Variants in HFM1 observed in about 807,000 individuals in gnomAD.
The protein encoded by HFM1 is helicase for meiosis 1, also known as probable ATP-dependent DNA helicase HFM1.
A neutral mutation model predicts 192.1 loss-of-function variants in HFM1; 169 were observed. The ratio of observed to expected loss-of-function variants is 0.88; its 90% CI spans 0.78 to 1.00. The LOEUF (loss-of-function observed/expected upper bound fraction) is 1.00, where lower values mean the gene tolerates loss of function less well. Ranked by LOEUF, HFM1 falls within the 50% of genes least tolerant of loss-of-function variation. The pLI, the probability that HFM1 is intolerant of heterozygous loss-of-function variation, is 0.00. For missense variants in HFM1, 1,661 were observed against 1,668.0 expected (o/e 1.00, Z 0.07); for synonymous variants, 525 against 537.8 (o/e 0.98, Z 0.33).
intron 1 of HFM1, chr1:91,404,581 C>G (rs999928277): frequency 1.0e-4 from 27 of 260,100 alleles, no homozygotes; most frequent in Non-Finnish European, 1.5e-4. Context: ...CAGGCCTCAC[C>G]GCTTTCTGAC....
chr1:91,374,555 T>G (rs141939017), intron 13 of HFM1, among the ~76,000 whole-genome samples: 1 of 152,236 alleles, frequency 6.6e-6, no homozygotes, highest in East Asian at 1.9e-4. Context: ...GACTTCGTAA[T>G]TGATTGTGGG....
intron 4 of HFM1, among the ~76,000 whole-genome samples, chr1:91,391,292 A>C (rs938735813): frequency 1.3e-5 from 2 of 152,262 alleles, no homozygotes; most frequent in Middle Eastern, 3.2e-3. Context: ...CCGCATTGCC[A>C]AGGCAATCCT....
At chr1:91,377,721 TACA>T (rs751595320) in intron 11 of HFM1, 37 of 341,580 alleles carry the variant, frequency 1.1e-4, no homozygotes, top group Non-Finnish European at 1.8e-4. Context: ...GTCAGCTAGT[TACA>T]ACAACCATCA....
chr1:91,330,951 A>G (rs1338356840), intron 20 of HFM1, among the ~76,000 whole-genome samples: 4 of 152,244 alleles, frequency 2.6e-5, no homozygotes, highest in Non-Finnish European at 5.9e-5. Flanking sequence ...TCCATTCATG[A>G]TAAATACCCT....
At chr1:91,394,885 G>A (rs1039351354) in intron 3 of HFM1, among the ~76,000 whole-genome samples, 3 of 152,032 alleles carry the variant, frequency 2.0e-5, no homozygotes, top group Non-Finnish European at 4.4e-5. Flanking sequence ...AGTGACAGAA[G>A]TTTAAAGGTT....
Position 91,267,806 on chromosome 1 carries a change from A to T in HFM1, c.3822T>A (p.Phe1274Leu), listed in dbSNP as rs748939655. Residue 1274 changes from phenylalanine (F) to leucine (L), a missense_variant, in exon 35 of 39, where the codon TTT (phenylalanine) becomes TTA (leucine). Transcript: ENST00000370425. ...FELGNEVWDD[F>L]DDENLEVTSF... Reference sequence around the variant, plus strand: ...TAGTAACTTCTAAGTTTTCATCATCAAAATCATCCCAAACTTCATTTCCCA... The same window carrying T: ...TAGTAACTTCTAAGTTTTCATCATCTAAATCATCCCAAACTTCATTTCCCA... The T allele has an allele frequency of 4.4e-6, 7 of 1,581,678 alleles. No homozygotes were observed. In the African/African-American group the frequency reaches 8.3e-5, roughly 19 times the overall value.
intron 4 of HFM1, among the ~76,000 whole-genome samples, chr1:91,392,895 A>C (rs1663187646): frequency 6.6e-6 from 1 of 152,158 alleles, no homozygotes; most frequent in African/African-American, 2.4e-5. Flanking sequence ...CAGAAAGTAG[A>C]TTAGTGGCCA....
chr1:91,351,236 T>A (rs997705459), intron 17 of HFM1, among the ~76,000 whole-genome samples: 2 of 151,866 alleles, frequency 1.3e-5, no homozygotes, highest in Admixed American at 1.3e-4. Context: ...TACAAATTAG[T>A]AATTATAAAT....
intron 34 of HFM1, among the ~76,000 whole-genome samples, chr1:91,273,199 C>T (rs1489498357): frequency 2.6e-5 from 4 of 151,992 alleles, no homozygotes; most frequent in Middle Eastern, 3.4e-3. Flanking sequence ...TTTTCTCATA[C>T]TAACATAGAA....
At chr1:91,345,919 T>C (rs973904578) in intron 19 of HFM1, among the ~76,000 whole-genome samples, 2 of 152,322 alleles carry the variant, frequency 1.3e-5, no homozygotes, top group African/African-American at 4.8e-5. Flanking sequence ...TCCAGTCATG[T>C]TTCTCAACAA....
chr1:91,304,610 G>A (rs1249793845), intron 30 of HFM1, among the ~76,000 whole-genome samples: 1 of 150,620 alleles, frequency 6.6e-6, no homozygotes, highest in Non-Finnish European at 1.5e-5. Flanking sequence ...GGGATTACAG[G>A]GGCCCATCAC....
chr1:91,342,398 C>T (rs1301963368), intron 20 of HFM1, among the ~76,000 whole-genome samples: 2 of 152,248 alleles, frequency 1.3e-5, no homozygotes, highest in African/African-American at 4.8e-5. Context: ...CAAGTAATAA[C>T]ACCATCATGT....
At chr1:91,292,805 C>T (rs2100950308) in intron 30 of HFM1, among the ~76,000 whole-genome samples, 1 of 152,242 alleles carries the variant, frequency 6.6e-6, no homozygotes, top group Non-Finnish European at 1.5e-5. Context: ...TCAAACTATA[C>T]TACAAGGCTA....
At chr1:91,390,751 C>T (rs1662871887) in intron 4 of HFM1, among the ~76,000 whole-genome samples, 2 of 152,068 alleles carry the variant, frequency 1.3e-5, no homozygotes, top group Admixed American at 1.3e-4. Flanking sequence ...GAAGTTCTGG[C>T]CAGGGCAATC....
intron 13 of HFM1, among the ~76,000 whole-genome samples, chr1:91,358,368 G>A (rs1321384270): frequency 6.6e-6 from 1 of 152,028 alleles, no homozygotes; most frequent in Non-Finnish European, 1.5e-5. Flanking sequence ...GGAAAAGAAA[G>A]TTGGAGCTAC....
At chr1:91,359,446 A>C (rs1226685784) in intron 13 of HFM1, among the ~76,000 whole-genome samples, 2 of 152,092 alleles carry the variant, frequency 1.3e-5, no homozygotes, top group African/African-American at 2.4e-5. Context: ...CAACACGAGA[A>C]CTTCACAATG....
Position 91,380,176 on chromosome 1 carries a change from C to T in HFM1, c.934G>A (p.Val312Met). 6.4e-7 allele frequency: 1 copy of T among 1,562,332 alleles called. No individual in the cohort carries two copies. The highest frequency in any genetic ancestry group is 1.2e-5 in the South Asian group (1 of 86,936). ...CAPTGSGKTV[V>M]FELAITRLLM... ...AATCTTGTTATAGCTAGTTCAAACA[C>T]TACAGTTTTTCCAGAACCAGTTGGA... The change falls in exon 8 of 39, where the codon GTG becomes ATG. Residue 312 changes from valine to methionine, a missense_variant. Val to Met is a conservative substitution (Grantham distance 21, BLOSUM62 1). Transcript: ENST00000370425.
intron 2 of HFM1, among the ~76,000 whole-genome samples, chr1:91,400,369 C>T (rs753894288): frequency 1.3e-5 from 2 of 152,188 alleles, no homozygotes; most frequent in Non-Finnish European, 2.9e-5. Flanking sequence ...ATGGTGACGT[C>T]ATTCCTTGTC....
intron 20 of HFM1, among the ~76,000 whole-genome samples, chr1:91,325,947 T>G (rs2101406886): frequency 6.6e-6 from 1 of 151,918 alleles, no homozygotes; most frequent in African/African-American, 2.4e-5. Flanking sequence ...ATCCTAGAGT[T>G]GGAAAAATGC....
Sources: gnomAD v4.1 joint callset for allele counts (sites outside exome capture counted in the v4.1 genomes callset) on GRCh38, gnomAD v4.1.1 for gene constraint, MANE v1.5 for transcripts, NCBI Gene and HGNC (gene_info 2026-07-23, HGNC 2026-07-21) for gene names.